Variants in BORCS5 observed in about 807,000 individuals in gnomAD.
BORCS5 encodes the protein BLOC-1 related complex subunit 5.
Under a neutral mutation model 22.1 loss-of-function variants are expected in BORCS5, and 17 were observed. The observed-to-expected ratio is 0.77, with a 90% CI of 0.53 to 1.15. The LOEUF (loss-of-function observed/expected upper bound fraction) is 1.15, where lower values mean the gene tolerates loss of function less well. Ranked by LOEUF, BORCS5 falls within the 50% of genes most tolerant of loss-of-function variation. The pLI, the probability that BORCS5 is intolerant of heterozygous loss-of-function variation, is 0.00. For synonymous variants in BORCS5, 117 were observed against 99.8 expected, an observed-to-expected ratio of 1.17 and a Z score of -1.03; for missense variants, 247 against 253.2, an observed-to-expected ratio of 0.98 and a Z score of 0.17.
intron 2 of BORCS5, among the ~76,000 whole-genome samples, chr12:12,425,391 T>C (rs1255138748): frequency 1.3e-5 from 1 of 76,222 alleles, no homozygotes; most frequent in Non-Finnish European, 2.6e-5. Flanking sequence ...CCAAATTCCC[T>C]TTTTAGTTAC....
intron 2 of BORCS5, among the ~76,000 whole-genome samples, chr12:12,398,313 A>G (rs1046083607): frequency 8.5e-5 from 13 of 152,288 alleles, no homozygotes; most frequent in African/African-American, 3.1e-4. Flanking sequence ...ATAGTACAAC[A>G]TGACTGGGAG....
At chr12:12,424,852 C>G (rs775693645) in intron 2 of BORCS5, among the ~76,000 whole-genome samples, 11 of 152,016 alleles carry the variant, frequency 7.2e-5, no homozygotes, top group Non-Finnish European at 1.0e-4. Flanking sequence ...TATGTGGTTG[C>G]TTTTGAATAT....
At chr12:12,381,827 T>C (rs1190976147) in intron 2 of BORCS5, among the ~76,000 whole-genome samples, 1 of 151,510 alleles carries the variant, frequency 6.6e-6, no homozygotes, top group African/African-American at 2.4e-5. Flanking sequence ...TTGTATATTC[T>C]TACTGATTTT....
At chr12:12,422,039 GTC>G (rs2136105884) in intron 2 of BORCS5, among the ~76,000 whole-genome samples, 1 of 152,074 alleles carries the variant, frequency 6.6e-6, no homozygotes, top group Non-Finnish European at 1.5e-5. Flanking sequence ...GGGTTTTTAT[GTC>G]TCTGTCTCTT....
At chr12:12,451,872 C>T (rs951762941) in intron 3 of BORCS5, among the ~76,000 whole-genome samples, 1 of 149,428 alleles carries the variant, frequency 6.7e-6, no homozygotes, top group Non-Finnish European at 1.5e-5. Context: ...GAGCCGAGAT[C>T]GCACCACTGC....
chr12:12,364,347 G>T (rs1863358807), intron 2 of BORCS5, among the ~76,000 whole-genome samples: 2 of 151,340 alleles, frequency 1.3e-5, no homozygotes, highest in South Asian at 4.2e-4. Context: ...CTGCACTCCA[G>T]CCTGGGTGAC....
rs1943230891 is a variant in BORCS5, at chr12:12,468,041, G to A, written c.*2265G>A. On this transcript the variant is annotated 3_prime_UTR_variant, in exon 4 of 4. Coordinates refer to ENST00000314565, the MANE Select transcript of BORCS5 (RefSeq NM_058169.6). Reference sequence around the variant, plus strand: ...ATGAGAGACCAGCACGGGCTCTGATGAGAGACAGGTGCAGGTCCCAGCTTG... The same window carrying A: ...ATGAGAGACCAGCACGGGCTCTGATAAGAGACAGGTGCAGGTCCCAGCTTG... 2 of 152,236 alleles carry A rather than the reference G, an allele frequency of 1.3e-5. No individual in the cohort carries two copies. Among genetic ancestry groups the A allele is most frequent in the Non-Finnish European group, 2.9e-5 (2 of 68,078 alleles). The allele number at this position is 152,236 out of a possible 1,614,324, so 9.4% of individuals were successfully genotyped here.
At chr12:12,428,654 T>G (rs1942348887) in intron 2 of BORCS5, among the ~76,000 whole-genome samples, 1 of 152,188 alleles carries the variant, frequency 6.6e-6, no homozygotes, top group African/African-American at 2.4e-5. Context: ...CTCTTTAACA[T>G]GGAAAACTAA....
intron 2 of BORCS5, among the ~76,000 whole-genome samples, chr12:12,405,408 G>A (rs1941574900): frequency 6.6e-6 from 1 of 152,190 alleles, no homozygotes; most frequent in African/African-American, 2.4e-5. Flanking sequence ...TCAAGGTGCA[G>A]TAATATTTCT....
At chr12:12,380,930 TTC>T (rs1235041754) in intron 2 of BORCS5, among the ~76,000 whole-genome samples, 1 of 151,298 alleles carries the variant, frequency 6.6e-6, no homozygotes, top group Non-Finnish European at 1.5e-5. Context: ...AAGTTCTTTA[TTC>T]TGGATACAAT....
chr12:12,405,053 A>G lies in BORCS5; in HGVS notation c.203-30575A>G, dbSNP rs1020045552. ...GGCACCATACACACTTTTTCCCTTA[A>G]GGACCTTACTGAGTAACTGGGAAGA... On this transcript the variant is annotated intron_variant, in intron 2 of 3. Coordinates refer to ENST00000314565, the MANE Select transcript of BORCS5 (RefSeq NM_058169.6). Among the ~76,000 whole-genome samples the G allele has an allele frequency of 4.6e-5, 7 of 152,190 alleles. No homozygotes were observed. The South Asian group carries it at 6.2e-4, about 13-fold the overall frequency.
chr12:12,414,590 C>G (rs1327659665), intron 2 of BORCS5, among the ~76,000 whole-genome samples: 1 of 89,588 alleles, frequency 1.1e-5, no homozygotes, highest in Non-Finnish European at 2.2e-5. Flanking sequence ...CTGGACGGGG[C>G]GACTGGCTGG....
chr12:12,387,253 C>T (rs1256779643), intron 2 of BORCS5, among the ~76,000 whole-genome samples: 1 of 151,278 alleles, frequency 6.6e-6, no homozygotes, highest in Non-Finnish European at 1.5e-5. Context: ...ATCCATTTGC[C>T]AGCTGAAGGA....
Position 12,438,254 on chromosome 12 carries a change from G to T in BORCS5, c.360+2469G>T, listed in dbSNP as rs113239696. ...TGCATGCCTGTAGTCCCAGCTCCTC[G>T]GGAGGCTGAGGCACAAGAATCGCTT... On this transcript the variant is annotated intron_variant, in intron 3 of 3. Transcript: ENST00000314565. Among the ~76,000 whole-genome samples the T allele has an allele frequency of 3.1e-3, 470 of 151,332 alleles. 3 individuals are homozygous for T. The highest frequency in any genetic ancestry group is 0.011 in the African/African-American group (436 of 41,194).
chr12:12,407,196 C>G (rs1442267113), intron 2 of BORCS5, among the ~76,000 whole-genome samples: 1 of 152,134 alleles, frequency 6.6e-6, no homozygotes, highest in East Asian at 1.9e-4. Flanking sequence ...AGTCCTGATC[C>G]TGTGTTAAAA....
intron 2 of BORCS5, among the ~76,000 whole-genome samples, chr12:12,387,797 C>G (rs1863914863): frequency 6.6e-6 from 1 of 151,462 alleles, no homozygotes; most frequent in African/African-American, 2.4e-5. Flanking sequence ...TTTGGACCTT[C>G]AGTGAAAGAC....
rs1380357430 is a variant in BORCS5, at chr12:12,469,105, C to G, written c.*3329C>G. The G allele has an allele frequency of 6.6e-6, 1 of 152,222 alleles. No homozygotes were observed. Among genetic ancestry groups the G allele is most frequent in the East Asian group, 1.9e-4 (1 of 5,198 alleles). The allele number at this position is 152,222 out of a possible 1,614,324, so 9.4% of individuals were successfully genotyped here. ...CGGTGGCTCACACCTGTAATCCCAGCACTTTGGGAGGCCGAGACGAGTGGA... is the reference window on the plus strand; with the variant it reads ...CGGTGGCTCACACCTGTAATCCCAGGACTTTGGGAGGCCGAGACGAGTGGA... On this transcript the variant is annotated 3_prime_UTR_variant, in exon 4 of 4. Coordinates refer to ENST00000314565, the MANE Select transcript of BORCS5 (RefSeq NM_058169.6).
chr12:12,408,848 A>C (rs935480186), intron 2 of BORCS5, among the ~76,000 whole-genome samples: 7 of 152,310 alleles, frequency 4.6e-5, no homozygotes, highest in Middle Eastern at 3.4e-3. Context: ...ATTGATGGAA[A>C]TTTGAATTGT....
chr12:12,470,799 G>A lies in BORCS5; in HGVS notation c.*5023G>A, dbSNP rs371648233. ...AAAAAGATAAAAAAGTTGGCAACTA[G>A]ATCTAGTTGCCTGCCAGGATGACCA... On this transcript the variant is annotated 3_prime_UTR_variant, in exon 4 of 4. Coordinates refer to ENST00000314565, the MANE Select transcript of BORCS5 (RefSeq NM_058169.6). Among the ~76,000 whole-genome samples the A allele has an allele frequency of 6.6e-6, 1 of 151,626 alleles. No homozygotes were observed. The highest frequency in any genetic ancestry group is 1.5e-5 in the Non-Finnish European group (1 of 67,976).
Sources: gnomAD v4.1 joint callset for allele counts (sites outside exome capture counted in the v4.1 genomes callset) on GRCh38, gnomAD v4.1.1 for gene constraint, MANE v1.5 for transcripts, NCBI Gene and HGNC (gene_info 2026-07-23, HGNC 2026-07-21) for gene names.